Variants in HSD17B14 observed in about 807,000 individuals in gnomAD.
The protein encoded by HSD17B14 is hydroxysteroid 17-beta dehydrogenase 14, also known as L-fucose dehydrogenase.
HSD17B14 carries 32 observed loss-of-function variants against 32.2 expected under a neutral mutation model. The ratio of observed to expected loss-of-function variants is 0.99; its 90% CI spans 0.75 to 1.33. The LOEUF (loss-of-function observed/expected upper bound fraction) is 1.33, where lower values mean the gene tolerates loss of function less well. Among genes scored for constraint, HSD17B14 ranks in the 40% most tolerant of loss-of-function variants. The pLI, the probability that HSD17B14 is intolerant of heterozygous loss-of-function variation, is 0.00. For synonymous variants in HSD17B14, 140 were observed against 155.4 expected, an observed-to-expected ratio of 0.90 and a Z score of 0.74; for missense variants, 370 against 366.5, an observed-to-expected ratio of 1.01 and a Z score of -0.08.
At chr19:48,825,800 GTTGACCAAC>G (rs1010673812) in intron 5 of HSD17B14, among the ~76,000 whole-genome samples, 30 of 151,956 alleles carry the variant, frequency 2.0e-4, no homozygotes, top group Non-Finnish European at 3.1e-4. Flanking sequence ...CGCAGGTCCT[GTTGACCAAC>G]TTGACCAACT....
At chr19:48,819,198 A>G (rs1224515880) in intron 5 of HSD17B14, among the ~76,000 whole-genome samples, 1 of 152,130 alleles carries the variant, frequency 6.6e-6, no homozygotes, top group Non-Finnish European at 1.5e-5. Context: ...CATGTTGGCC[A>G]GACTGGTTTC....
At chr19:48,834,580 G>A (rs2035434835) in intron 2 of HSD17B14, among the ~76,000 whole-genome samples, 1 of 70,602 alleles carries the variant, frequency 1.4e-5, no homozygotes, top group Non-Finnish European at 2.4e-5. Flanking sequence ...GGACTCCTGG[G>A]TCCGAGGAAG....
intron 1 of HSD17B14, 95 bp downstream of exon 1, chr19:48,836,229 T>G: frequency 8.2e-7 from 1 of 1,224,000 alleles, no homozygotes; most frequent in Non-Finnish European, 1.2e-6. Flanking sequence ...GAATCCTGGC[T>G]GCAGTACTGG....
chr19:48,826,957 C>T (rs1477943319), intron 5 of HSD17B14, among the ~76,000 whole-genome samples: 1 of 152,104 alleles, frequency 6.6e-6, no homozygotes, highest in Non-Finnish European at 1.5e-5. Flanking sequence ...ACAGCGCCCC[C>T]GCCAGGCTTT....
chr19:48,814,945 C>T (rs2035026139), intron 6 of HSD17B14, 92 bp downstream of exon 6: 1 of 899,930 alleles, frequency 1.1e-6, no homozygotes, highest in Non-Finnish European at 1.8e-6. Flanking sequence ...GGGCCAAGAT[C>T]TTGCTAGGTC....
At chr19:48,826,022 G>A (rs984128935) in intron 5 of HSD17B14, among the ~76,000 whole-genome samples, 13 of 151,798 alleles carry the variant, frequency 8.6e-5, no homozygotes, top group African/African-American at 1.4e-4. Context: ...GGGTTTCACC[G>A]TGTTAGCCAG....
chr19:48,836,367 G>T lies in HSD17B14; in HGVS notation c.45C>A (p.Thr15=), dbSNP rs1010596934. 3 of 1,611,972 alleles carry T rather than the reference G, an allele frequency of 1.9e-6. No individual in the cohort carries two copies. Among genetic ancestry groups the T allele is most frequent in the Non-Finnish European group, 2.5e-6 (3 of 1,179,412 alleles). ...TRYAGKVVVV[T]GGGRGIGAGI... ...CAGCTCCGATGCCGCGCCCGCCCCC[G>T]GTCACGACCACCACCTTCCCGGCAT... The change falls in exon 1 of 9, where the codon ACC becomes ACA. Residue 15 remains threonine (T), a synonymous_variant. Coordinates refer to ENST00000263278, the MANE Select transcript of HSD17B14 (RefSeq NM_016246.3).
intron 8 of HSD17B14, 43 bp downstream of exon 8, chr19:48,813,398 GCCATGCCCCCCACCC>G (rs781291209): frequency 1.3e-6 from 2 of 1,554,834 alleles, no homozygotes; most frequent in East Asian, 4.7e-5. Flanking sequence ...CCACTTGATC[GCCATGCCCCCCACCC>G]CCATGCCACC....
chr19:48,827,116 C>G (rs1409002510), intron 5 of HSD17B14, among the ~76,000 whole-genome samples: 1 of 151,296 alleles, frequency 6.6e-6, no homozygotes, highest in African/African-American at 2.4e-5. Context: ...GATCTCAGCT[C>G]ACCTCAACCT....
Position 48,829,367 on chromosome 19 carries a change from T to C in HSD17B14, c.369+2301A>G, listed in dbSNP as rs1248117726. Among the ~76,000 whole-genome samples the C allele has an allele frequency of 5.3e-5, 8 of 151,788 alleles. No homozygotes were observed. In the East Asian group the frequency reaches 1.6e-3, roughly 30 times the overall value. On this transcript the variant is annotated intron_variant, in intron 5 of 8. Coordinates refer to ENST00000263278, the MANE Select transcript of HSD17B14 (RefSeq NM_016246.3). The stretch of plus-strand genomic sequence containing the variant: ...ATACTCAGCTAATTTTTTTTTTTTT[T>C]CTGAGAAAGAGTTTCACTCTGTCAC...
intron 3 of HSD17B14, 131 bp from the exon 4 acceptor site, chr19:48,832,863 C>A (rs552717647): frequency 2.8e-6 from 2 of 718,502 alleles, no homozygotes; most frequent in South Asian, 3.3e-5. Context: ...AAGCAACTCT[C>A]CTACCTCAGC....
intron 5 of HSD17B14, among the ~76,000 whole-genome samples, chr19:48,828,319 G>A (rs1191277867): frequency 6.6e-6 from 1 of 152,128 alleles, no homozygotes; most frequent in Non-Finnish European, 1.5e-5. Flanking sequence ...CTTGGTATCA[G>A]GTCGTCTAGA....
chr19:48,819,629 A>G (rs1208166201), intron 5 of HSD17B14, among the ~76,000 whole-genome samples: 1 of 152,108 alleles, frequency 6.6e-6, no homozygotes, highest in Non-Finnish European at 1.5e-5. Flanking sequence ...TCCACTGGTC[A>G]ATGCTGCTCA....
intron 5 of HSD17B14, among the ~76,000 whole-genome samples, chr19:48,816,779 T>TTTTCTTTCTTTTTCTTTCTTTCTTTC (rs2035058168): frequency 8.2e-6 from 1 of 122,180 alleles, no homozygotes; most frequent in Non-Finnish European, 1.7e-5. Context: ...GCAAGACCCT[T>TTTTCTTTCTTTTTCTTTCTTTCTTTC]TTTCTTTCTT....
chr19:48,832,343 C>T (rs926350507), intron 4 of HSD17B14, among the ~76,000 whole-genome samples: 4 of 151,370 alleles, frequency 2.6e-5, no homozygotes, highest in African/African-American at 9.7e-5. Flanking sequence ...CACACCACTG[C>T]ACTCCAGCCT....
In HSD17B14 at chr19:48,813,570, G is replaced by C. The variant is rs375667860; in HGVS notation, c.543-18C>G. ...GGGAGATACTAGAGGAAGGGAGAGG[G>C]GGGATCAAAGCAATCTGTCTCGAAC... On this transcript the variant is annotated intron_variant, in intron 7 of 8. Coordinates refer to ENST00000263278, the MANE Select transcript of HSD17B14 (RefSeq NM_016246.3). 163 of 1,613,294 alleles carry C rather than the reference G, an allele frequency of 1.0e-4. No homozygotes were observed. The highest frequency in any genetic ancestry group is 1.3e-4 in the Non-Finnish European group (150 of 1,179,410).
intron 5 of HSD17B14, among the ~76,000 whole-genome samples, chr19:48,829,635 CTT>C (rs34096239): frequency 3.7e-3 from 284 of 76,052 alleles, no homozygotes; most frequent in African/African-American, 0.013. Flanking sequence ...CCAGGCCTGG[CTT>C]TTTTTTTTTT....
chr19:48,825,237 C>CA (rs60266504), intron 5 of HSD17B14, among the ~76,000 whole-genome samples: 6,600 of 88,938 alleles, frequency 0.074, 471 homozygotes, highest in African/African-American at 0.18. Flanking sequence ...GACTCCGTCG[C>CA]AAAAAAAAAA....
At chr19:48,821,424 G>C (rs1485085822) in intron 5 of HSD17B14, among the ~76,000 whole-genome samples, 1 of 152,106 alleles carries the variant, frequency 6.6e-6, no homozygotes, top group Non-Finnish European at 1.5e-5. Flanking sequence ...TAATTTCCTT[G>C]ACTATCTAAA....
Sources: gnomAD v4.1 joint callset for allele counts (sites outside exome capture counted in the v4.1 genomes callset) on GRCh38, gnomAD v4.1.1 for gene constraint, MANE v1.5 for transcripts, NCBI Gene and HGNC (gene_info 2026-07-23, HGNC 2026-07-21) for gene names.